The following CACNA2D3 variants were observed in gnomAD, a reference collection of about 807,000 sequenced individuals.
The protein encoded by CACNA2D3 is calcium voltage-gated channel auxiliary subunit alpha2delta 3, also known as voltage-dependent calcium channel subunit alpha-2/delta-3.
CACNA2D3 carries 60 observed loss-of-function variants against 160.6 expected under a neutral mutation model. That is an observed-to-expected ratio of 0.37 (90% CI 0.30 to 0.46). The LOEUF is 0.46. CACNA2D3 is among the 20% of genes least tolerant of loss of function. The pLI, the probability that CACNA2D3 is intolerant of heterozygous loss-of-function variation, is 1.00. For missense variants in CACNA2D3, 1,205 were observed against 1,365.0 expected (o/e 0.88, Z 1.85); for synonymous variants, 558 against 492.9 (o/e 1.13, Z -1.75).
intron 2 of CACNA2D3, among the ~76,000 whole-genome samples, chr3:54,250,227 AAC>A (rs1055273157): frequency 3.3e-5 from 5 of 152,174 alleles, no homozygotes; most frequent in African/African-American, 1.2e-4. Context: ...ATAAGTGACA[AAC>A]ACAGAACTAT....
chr3:54,379,734 C>T (rs2106641406), intron 3 of CACNA2D3, among the ~76,000 whole-genome samples: 1 of 152,316 alleles, frequency 6.6e-6, no homozygotes, highest in Non-Finnish European at 1.5e-5. Context: ...AACGTTCTTT[C>T]AGCACTTCTC....
intron 13 of CACNA2D3, among the ~76,000 whole-genome samples, chr3:54,765,327 G>A (rs1444861353): frequency 1.3e-5 from 2 of 152,058 alleles, no homozygotes; most frequent in Admixed American, 6.6e-5. Context: ...TATGCAATGC[G>A]GCCCTGGAAA....
At chr3:54,284,479 G>A (rs1702959950) in intron 2 of CACNA2D3, among the ~76,000 whole-genome samples, 1 of 151,952 alleles carries the variant, frequency 6.6e-6, no homozygotes, top group Admixed American at 6.6e-5. Context: ...TGGGTGAAGG[G>A]TATATGGGAA....
In CACNA2D3 at chr3:54,646,190, C is replaced by G. The variant is rs1311067502; in HGVS notation, c.1167+3949C>G. On this transcript the variant is annotated intron_variant, in intron 11 of 37. Coordinates refer to ENST00000474759, the MANE Select transcript of CACNA2D3 (RefSeq NM_018398.3). ...TCCCTCCCTCCCTCCCTCCCTCCTT[C>G]CTTGCTTCCTTCCTTCCTTCCTTCC... Among the ~76,000 whole-genome samples, 32 of 15,714 alleles carry G rather than the reference C, an allele frequency of 2.0e-3. 1 individual carries two copies. Among genetic ancestry groups the G allele is most frequent in the African/African-American group, 3.9e-3 (24 of 6,198 alleles). 10.3% of individuals were successfully genotyped at this position (15,714 alleles called of 152,430 possible).
At chr3:54,607,825 C>A (rs1007267646) in intron 9 of CACNA2D3, among the ~76,000 whole-genome samples, 2 of 152,114 alleles carry the variant, frequency 1.3e-5, no homozygotes, top group Non-Finnish European at 2.9e-5. Flanking sequence ...TGGAAACAAC[C>A]CAAGTTTCCT....
rs1042192011 is a variant in CACNA2D3 at position 54,994,965 on chromosome 3, T to TTTTA, written c.2690+7228_2690+7231dup. Among the ~76,000 whole-genome samples the TTTTA allele has an allele frequency of 5.9e-5, 9 of 152,070 alleles. No homozygotes were observed. The East Asian group carries it at 1.2e-3, about 20-fold the overall frequency. On this transcript the variant is annotated intron_variant, in intron 31 of 37. Coordinates refer to ENST00000474759, the MANE Select transcript of CACNA2D3 (RefSeq NM_018398.3). ...AGAGATAGAGAAAGAAAGTCTTTCTTTTTATTTATTTATTTATTTTTTCTT... is the reference window on the plus strand; with the variant it reads ...AGAGATAGAGAAAGAAAGTCTTTCTTTTTATTTATTTATTTATTTATTTTTTCTT...
At chr3:54,608,643 T>A (rs1242048598) in intron 9 of CACNA2D3, among the ~76,000 whole-genome samples, 4 of 152,226 alleles carry the variant, frequency 2.6e-5, no homozygotes, top group African/African-American at 9.6e-5. Flanking sequence ...TAGACCACTT[T>A]GCTGGAAATC....
At chr3:54,761,843 A>G (rs1242921025) in intron 12 of CACNA2D3, among the ~76,000 whole-genome samples, 2 of 152,172 alleles carry the variant, frequency 1.3e-5, no homozygotes, top group Non-Finnish European at 2.9e-5. Context: ...TGGGGTTGGC[A>G]CACCAAATTC....
At chr3:54,424,476 G>A (rs1559477830) in intron 4 of CACNA2D3, among the ~76,000 whole-genome samples, 3 of 152,250 alleles carry the variant, frequency 2.0e-5, no homozygotes, top group Non-Finnish European at 2.9e-5. Context: ...GTGCCTGGAT[G>A]TACATTAGCT....
At chr3:54,950,414 G>T (rs994592241) in intron 27 of CACNA2D3, among the ~76,000 whole-genome samples, 1 of 152,126 alleles carries the variant, frequency 6.6e-6, no homozygotes, top group African/African-American at 2.4e-5. Flanking sequence ...TCATTTTAGG[G>T]AACCTGTGTA....
intron 26 of CACNA2D3, among the ~76,000 whole-genome samples, chr3:54,898,278 A>G (rs1460647042): frequency 7.1e-6 from 1 of 140,674 alleles, no homozygotes; most frequent in Admixed American, 7.5e-5. Context: ...GTTGGAGTGC[A>G]GTGGCATGAT....
intron 2 of CACNA2D3, among the ~76,000 whole-genome samples, chr3:54,311,093 C>T (rs1454745117): frequency 1.3e-5 from 2 of 152,210 alleles, no homozygotes; most frequent in African/African-American, 2.4e-5. Flanking sequence ...AAGCGGGATG[C>T]TGCTATCAGG....
chr3:54,137,171 T>C (rs73844314), intron 2 of CACNA2D3, among the ~76,000 whole-genome samples: 4,588 of 152,318 alleles, frequency 0.03, 231 homozygotes, highest in African/African-American at 0.11. Context: ...GTATAGCCTT[T>C]CTCAATGTGG....
At chr3:55,000,237 G>A (rs551964601) in intron 31 of CACNA2D3, among the ~76,000 whole-genome samples, 1 of 152,116 alleles carries the variant, frequency 6.6e-6, no homozygotes. Context: ...CCGCAAAATG[G>A]AGTTATTTAA....
At chr3:54,845,672 T>C (rs1478214341) in intron 16 of CACNA2D3, among the ~76,000 whole-genome samples, 1 of 152,234 alleles carries the variant, frequency 6.6e-6, no homozygotes, top group Non-Finnish European at 1.5e-5. Flanking sequence ...TTACATACTT[T>C]TTAAAGCTAA....
At chr3:54,450,073 A>C (rs6445664) in intron 4 of CACNA2D3, among the ~76,000 whole-genome samples, 122,991 of 152,118 alleles carry the variant, frequency 0.81, 49,992 homozygotes, top group South Asian at 0.88. Context: ...TCAATCTACA[A>C]ATCAGGTTCA....
chr3:54,677,588 CAAT>C (rs1163622429), intron 11 of CACNA2D3, among the ~76,000 whole-genome samples: 3 of 147,302 alleles, frequency 2.0e-5, no homozygotes, highest in Non-Finnish European at 4.4e-5. Flanking sequence ...ACAATTAAAA[CAAT>C]GATATTTGAA....
In CACNA2D3 at chr3:54,675,309, T is replaced by C. The variant is rs557089292; in HGVS notation, c.1167+33068T>C. On this transcript the variant is annotated intron_variant, in intron 11 of 37. Coordinates refer to ENST00000474759, the MANE Select transcript of CACNA2D3 (RefSeq NM_018398.3). ...AAGTTGAGGGTAGGGGTGGAAGATATGGTGGATTTTGCTGATGCTGAACCA... is the reference window on the plus strand; with the variant it reads ...AAGTTGAGGGTAGGGGTGGAAGATACGGTGGATTTTGCTGATGCTGAACCA... Among the ~76,000 whole-genome samples, 5 of 152,048 alleles carry C rather than the reference T, an allele frequency of 3.3e-5. No individual in the cohort carries two copies. The East Asian group carries it at 7.8e-4, about 24-fold the overall frequency.
chr3:54,361,357 C>G (rs986801946), intron 3 of CACNA2D3, among the ~76,000 whole-genome samples: 1 of 152,072 alleles, frequency 6.6e-6, no homozygotes, highest in Non-Finnish European at 1.5e-5. Context: ...CCTAACATTG[C>G]CAGCATGATC....
Sources: allele counts gnomAD v4.1 joint callset (sites outside exome capture counted in the v4.1 genomes callset), GRCh38; gene constraint gnomAD v4.1.1; transcripts MANE v1.5; gene names NCBI Gene and HGNC (gene_info 2026-07-23, HGNC 2026-07-21).